CD6: variants seen among roughly 807,000 people sequenced by gnomAD.
CD6 encodes T-cell differentiation antigen CD6.
Under a neutral mutation model 75.3 loss-of-function variants are expected in CD6, and 53 were observed. The ratio of observed to expected loss-of-function variants is 0.70; its 90% CI spans 0.56 to 0.88. The LOEUF (loss-of-function observed/expected upper bound fraction) is 0.88. CD6 is among the 40% of genes least tolerant of loss of function. The probability of loss-of-function intolerance (pLI) is 0.00; values close to 1 mark genes in which losing one functional copy is unlikely to be tolerated. For synonymous variants in CD6, 359 were observed against 381.5 expected, an observed-to-expected ratio of 0.94 and a Z score of 0.69; for missense variants, 770 against 897.1, an observed-to-expected ratio of 0.86 and a Z score of 1.81.
chr11:61,006,805 T>G lies in CD6; in HGVS notation c.118+163T>G, dbSNP rs374467904. 1.6e-4 allele frequency among the ~76,000 whole-genome samples: 24 copies of G among 152,270 alleles called. 1 individual carries two copies. The East Asian group carries it at 3.7e-3, about 23-fold the overall frequency. ...CCTGAAGTTCCACTATCAATTCACT[T>G]TGAGGTCGTAGAACTACCATTTTTG... On this transcript the variant is annotated intron_variant, in intron 2 of 12. Transcript: ENST00000313421.
chr11:61,003,649 G>A lies in CD6; in HGVS notation c.50-2925G>A, dbSNP rs183178196. 3.1e-3 allele frequency among the ~76,000 whole-genome samples: 477 copies of A among 152,296 alleles called. 3 individuals carry two copies. The highest frequency in any genetic ancestry group is 0.01 in the African/African-American group (432 of 41,572). ...CTCGGGAAACTGAGGCACGAGAATCGCTTGAACCCAGGAGGTGGAGGTTGC... is the reference window on the plus strand; with the variant it reads ...CTCGGGAAACTGAGGCACGAGAATCACTTGAACCCAGGAGGTGGAGGTTGC... On this transcript the variant is annotated intron_variant, in intron 1 of 12. Coordinates refer to ENST00000313421, the MANE Select transcript of CD6 (RefSeq NM_006725.5).
chr11:60,984,178 C>T (rs144902562), intron 1 of CD6, among the ~76,000 whole-genome samples: 59 of 152,188 alleles, frequency 3.9e-4, no homozygotes, highest in Non-Finnish European at 5.9e-4. Context: ...AAATATCTTA[C>T]TCTTCCTCAA....
intron 1 of CD6, among the ~76,000 whole-genome samples, chr11:60,997,836 G>T (rs1410163463): frequency 6.6e-6 from 1 of 152,138 alleles, no homozygotes; most frequent in Non-Finnish European, 1.5e-5. Context: ...ATGAAATTTT[G>T]AGTTTCTCAT....
chr11:61,001,480 C>T (rs942952500), intron 1 of CD6, among the ~76,000 whole-genome samples: 1 of 152,116 alleles, frequency 6.6e-6, no homozygotes, highest in Non-Finnish European at 1.5e-5. Flanking sequence ...GGATTACAGG[C>T]GTGAGCCACC....
At chr11:61,018,480 C>CAATGGGAAAAGGAGAAAGG in intron 12 of CD6, 87 bp downstream of exon 12, 1 of 887,094 alleles carries the variant, frequency 1.1e-6, no homozygotes, top group Non-Finnish European at 1.7e-6. Context: ...TGCATTCGCT[C>CAATGGGAAAAGGAGAAAGG]AAGGGGAAAA....
At chr11:60,976,759 C>A (rs1036057816) in intron 1 of CD6, among the ~76,000 whole-genome samples, 2 of 152,210 alleles carry the variant, frequency 1.3e-5, no homozygotes, top group African/African-American at 2.4e-5. Context: ...TCCGTGCCCT[C>A]TAACTGGGCT....
intron 1 of CD6, among the ~76,000 whole-genome samples, chr11:60,981,428 C>T (rs1304811598): frequency 2.0e-5 from 3 of 152,198 alleles, no homozygotes; most frequent in Non-Finnish European, 4.4e-5. Flanking sequence ...GTCCGCCCTT[C>T]CCCCAGGGAC....
Position 60,977,628 on chromosome 11 carries a change from TTTTC to T in CD6, c.49+5726_49+5729del, listed in dbSNP as rs371222799. ...ATTTACTTAACGTAATTTCCCTCCTTTTTCTTTCTTTCTTTTCTTTTTTTTTAGA... is the reference window on the plus strand; with the variant it reads ...ATTTACTTAACGTAATTTCCCTCCTTTTTCTTTCTTTTCTTTTTTTTTAGA... On this transcript the variant is annotated intron_variant, in intron 1 of 12. Transcript: ENST00000313421. Among the ~76,000 whole-genome samples, 31 of 152,094 alleles carry T rather than the reference TTTTC, an allele frequency of 2.0e-4. No individual in the cohort carries two copies. In the East Asian group the frequency reaches 5.2e-3, roughly 26 times the overall value.
chr11:61,013,712 A>G (rs1273574971), intron 7 of CD6, 149 bp downstream of exon 7: 4 of 928,640 alleles, frequency 4.3e-6, no homozygotes. Flanking sequence ...CAGCATGCCC[A>G]GCAGTCATGG....
At chr11:60,989,692 A>T (rs770595972) in intron 1 of CD6, among the ~76,000 whole-genome samples, 15 of 152,302 alleles carry the variant, frequency 9.8e-5, no homozygotes, top group Non-Finnish European at 2.2e-4. Flanking sequence ...TTTGTTGAGC[A>T]TTCACAGCAC....
intron 1 of CD6, among the ~76,000 whole-genome samples, chr11:60,978,199 T>C (rs917304611): frequency 5.3e-5 from 8 of 152,238 alleles, no homozygotes; most frequent in Admixed American, 3.9e-4. Flanking sequence ...TTGAAAACAC[T>C]GATCCAGAGA....
At chr11:60,974,000 C>G (rs555396492) in intron 1 of CD6, among the ~76,000 whole-genome samples, 1 of 152,130 alleles carries the variant, frequency 6.6e-6, no homozygotes, top group Non-Finnish European at 1.5e-5. Context: ...GGCCCAAATG[C>G]TAGCAGAACC....
intron 1 of CD6, among the ~76,000 whole-genome samples, chr11:60,994,189 C>T (rs1858188371): frequency 6.6e-6 from 1 of 152,012 alleles, no homozygotes. Flanking sequence ...GCCTGTAATC[C>T]CAGCACTTTG....
Position 61,008,811 on chromosome 11 carries a change from C to G in CD6, c.747C>G (p.Cys249Trp). ...DCPGLPGQHY[C>W]GHKEDAGAVC... Reference sequence around the variant, plus strand: ...CGGGGCTGCCAGGACAGCACTACTGCGGCCACAAAGAGGACGCGGGCGCGG... The same window carrying G: ...CGGGGCTGCCAGGACAGCACTACTGGGGCCACAAAGAGGACGCGGGCGCGG... The change falls in exon 4 of 13, where the codon TGC becomes TGG. Residue 249 changes from cysteine to tryptophan, a missense_variant. By Grantham distance (215) the Cys-to-Trp change is radical. Coordinates refer to ENST00000313421, the MANE Select transcript of CD6 (RefSeq NM_006725.5). The G allele has an allele frequency of 6.4e-7, 1 of 1,567,780 alleles. No individual in the cohort carries two copies. Among genetic ancestry groups the G allele is most frequent in the Admixed American group, 1.8e-5 (1 of 54,818 alleles).
At chr11:60,979,625 C>T (rs550701593) in intron 1 of CD6, among the ~76,000 whole-genome samples, 2 of 152,178 alleles carry the variant, frequency 1.3e-5, no homozygotes, top group Admixed American at 6.5e-5. Context: ...ACCACCATGC[C>T]CAGCTAATTT....
Position 60,983,302 on chromosome 11 carries a change from G to C in CD6, c.49+11388G>C, listed in dbSNP as rs375236935. On this transcript the variant is annotated intron_variant, in intron 1 of 12. Transcript: ENST00000313421. ...AGACGGGGTTTCACCATGTTGGTCAGGCTGGTCTTTAACTCCTGACCTCAA... is the reference window on the plus strand; with the variant it reads ...AGACGGGGTTTCACCATGTTGGTCACGCTGGTCTTTAACTCCTGACCTCAA... Among the ~76,000 whole-genome samples, 319 of 152,096 alleles carry C rather than the reference G, an allele frequency of 2.1e-3. 6 individuals are homozygous for C. The South Asian group carries it at 0.043, about 20-fold the overall frequency.
chr11:60,996,450 C>T (rs1044693189), intron 1 of CD6, among the ~76,000 whole-genome samples: 2 of 152,366 alleles, frequency 1.3e-5, no homozygotes, highest in Non-Finnish European at 2.9e-5. Context: ...TCCAGCTTCC[C>T]GGCCACTGGG....
At chr11:60,975,880 A>G (rs905716366) in intron 1 of CD6, among the ~76,000 whole-genome samples, 15 of 152,248 alleles carry the variant, frequency 9.9e-5, no homozygotes, top group Non-Finnish European at 2.9e-5. Context: ...ATATTGGATA[A>G]CACTGCTTTT....
intron 1 of CD6, among the ~76,000 whole-genome samples, chr11:61,000,928 G>A (rs1268997059): frequency 6.6e-6 from 1 of 152,050 alleles, no homozygotes; most frequent in African/African-American, 2.4e-5. Flanking sequence ...CCTCCTTCCT[G>A]GGCTGGGGTC....
Sources: allele counts gnomAD v4.1 joint callset (sites outside exome capture counted in the v4.1 genomes callset), GRCh38; gene constraint gnomAD v4.1.1; transcripts MANE v1.5; gene names NCBI Gene and HGNC (gene_info 2026-07-23, HGNC 2026-07-21).